The following NPAS3 variants were observed in gnomAD, a reference collection of about 807,000 sequenced individuals.
NPAS3 encodes the protein neuronal PAS domain-containing protein 3.
In NPAS3, 14 loss-of-function variants were observed where a neutral mutation model predicts 73.1. The observed-to-expected ratio is 0.19, with a 90% CI of 0.13 to 0.30. The LOEUF (loss-of-function observed/expected upper bound fraction) is 0.30, where lower values mean the gene tolerates loss of function less well. Among genes scored for constraint, NPAS3 ranks in the 10% least tolerant of loss-of-function variants. The pLI, the probability that NPAS3 is intolerant of heterozygous loss-of-function variation, is 1.00. For synonymous variants in NPAS3, 620 were observed against 541.5 expected, an observed-to-expected ratio of 1.14 and a Z score of -2.01; for missense variants, 1,096 against 1,250.0, an observed-to-expected ratio of 0.88 and a Z score of 1.86.
chr14:33,130,373 G>A (rs965768271), intron 2 of NPAS3, among the ~76,000 whole-genome samples: 10 of 152,178 alleles, frequency 6.6e-5, no homozygotes, highest in Middle Eastern at 3.2e-3. Flanking sequence ...AAGTGAAGAT[G>A]TTGAGAAAGC....
chr14:33,369,916 G>A (rs548516886), intron 4 of NPAS3, among the ~76,000 whole-genome samples: 3 of 152,256 alleles, frequency 2.0e-5, no homozygotes, highest in East Asian at 1.9e-4. Flanking sequence ...TGGCTTCTAC[G>A]TTTTGTTTCA....
rs186548242 is a variant in NPAS3 at position 33,587,556 on chromosome 14, A to T, written c.558+27346A>T. ...GACTTCTGGAGATAATTTATATGAC[A>T]CACTTAGCATAGTACCGGACACTTC... On this transcript the variant is annotated intron_variant, in intron 5 of 11. Coordinates refer to ENST00000356141, the Ensembl canonical transcript of NPAS3. 6.6e-5 allele frequency among the ~76,000 whole-genome samples: 10 copies of T among 152,244 alleles called. No individual in the cohort carries two copies. In the East Asian group the frequency reaches 1.9e-3, roughly 30 times the overall value.
chr14:33,791,286 C>T (rs1470386169), intron 9 of NPAS3, among the ~76,000 whole-genome samples: 1 of 152,208 alleles, frequency 6.6e-6, no homozygotes, highest in Non-Finnish European at 1.5e-5. Context: ...ATTCCCTTCC[C>T]CTTCAGTCTT....
chr14:33,497,929 T>A (rs1252012611), intron 4 of NPAS3, among the ~76,000 whole-genome samples: 1 of 151,662 alleles, frequency 6.6e-6, no homozygotes, highest in Non-Finnish European at 1.5e-5. Flanking sequence ...TGGGAGAAAA[T>A]TTTTGCAATC....
intron 4 of NPAS3, among the ~76,000 whole-genome samples, chr14:33,387,115 G>A (rs536774271): frequency 6.6e-6 from 1 of 152,286 alleles, no homozygotes; most frequent in Admixed American, 6.5e-5. Context: ...AGTTAGGACA[G>A]GGGCCTTCAT....
intron 7 of NPAS3, 110 bp from the exon 8 acceptor site, chr14:33,774,227 A>T (rs112424998): frequency 2.2e-5 from 17 of 767,592 alleles, no homozygotes; most frequent in African/African-American, 1.9e-4. Flanking sequence ...TACAGAAGAT[A>T]CAAGCTAATG....
chr14:33,506,152 C>T (rs2052751736), intron 4 of NPAS3, among the ~76,000 whole-genome samples: 1 of 152,008 alleles, frequency 6.6e-6, no homozygotes, highest in Non-Finnish European at 1.5e-5. Flanking sequence ...AAATACTATA[C>T]ATTTATTTAC....
At chr14:33,556,168 G>T (rs2055351180) in intron 4 of NPAS3, among the ~76,000 whole-genome samples, 1 of 152,126 alleles carries the variant, frequency 6.6e-6, no homozygotes, top group East Asian at 1.9e-4. Context: ...CCCTGCTATG[G>T]TGCCCAAACC....
At chr14:33,501,510 A>G (rs889146024) in intron 4 of NPAS3, among the ~76,000 whole-genome samples, 3 of 151,940 alleles carry the variant, frequency 2.0e-5, no homozygotes, top group African/African-American at 7.2e-5. Context: ...TACACAACAA[A>G]GTAACATGTT....
intron 5 of NPAS3, among the ~76,000 whole-genome samples, chr14:33,562,602 T>G (rs996931713): frequency 1.3e-5 from 2 of 152,212 alleles, no homozygotes; most frequent in Non-Finnish European, 2.9e-5. Flanking sequence ...GTATACCAGT[T>G]TATGTATTTA....
intron 6 of NPAS3, among the ~76,000 whole-genome samples, chr14:33,676,696 C>T (rs1226865189): frequency 6.6e-6 from 1 of 152,138 alleles, no homozygotes; most frequent in Non-Finnish European, 1.5e-5. Flanking sequence ...TTTATTGTTA[C>T]CATGGCTAAA....
intron 5 of NPAS3, among the ~76,000 whole-genome samples, chr14:33,584,019 T>A (rs567504050): frequency 3.3e-5 from 5 of 152,332 alleles, no homozygotes; most frequent in East Asian, 3.9e-4. Context: ...TGGCATTTCT[T>A]TCTATTACTA....
intron 7 of NPAS3, among the ~76,000 whole-genome samples, chr14:33,741,104 G>A (rs1479512789): frequency 1.3e-5 from 2 of 152,110 alleles, no homozygotes; most frequent in African/African-American, 4.8e-5. Context: ...CATCAGCTAG[G>A]AGTCTCCTCC....
intron 2 of NPAS3, among the ~76,000 whole-genome samples, chr14:33,171,151 G>C (rs899751738): frequency 6.6e-6 from 1 of 152,188 alleles, no homozygotes; most frequent in African/African-American, 2.4e-5. Flanking sequence ...CTCCATCAGA[G>C]CTCTTGGGTG....
chr14:33,452,588 C>T (rs139508639), intron 4 of NPAS3, among the ~76,000 whole-genome samples: 77 of 151,632 alleles, frequency 5.1e-4, no homozygotes, highest in African/African-American at 1.6e-3. Context: ...CTGGCTAACA[C>T]GGTGAAACCC....
chr14:33,265,675 C>T (rs2040781310), intron 3 of NPAS3, among the ~76,000 whole-genome samples: 1 of 152,042 alleles, frequency 6.6e-6, no homozygotes, highest in African/African-American at 2.4e-5. Context: ...GTAATTCACC[C>T]AAGGTAAATT....
At chr14:33,698,713 C>T (rs181725519) in intron 6 of NPAS3, among the ~76,000 whole-genome samples, 93 of 152,292 alleles carry the variant, frequency 6.1e-4, no homozygotes, top group African/African-American at 2.1e-3. Context: ...TGAAATATTC[C>T]AGCAGAATTC....
chr14:33,071,292 A>G (rs1056299940), intron 2 of NPAS3, among the ~76,000 whole-genome samples: 84 of 152,222 alleles, frequency 5.5e-4, no homozygotes, highest in African/African-American at 1.9e-3. Context: ...TCTGTTCTCA[A>G]ATATTTCTAA....
Position 33,614,088 on chromosome 14 carries a change from C to A in NPAS3, c.558+53878C>A, listed in dbSNP as rs145149473. On this transcript the variant is annotated intron_variant, in intron 5 of 11. Transcript: ENST00000356141. ...CTCTTTCTTAAAAAGCTGGTAAAAC[C>A]AAAGTTTATAAATAAGGACTTATCA... Among the ~76,000 whole-genome samples the A allele has an allele frequency of 9.2e-5, 14 of 152,242 alleles. 1 individual carries two copies. The South Asian group carries it at 2.9e-3, about 32-fold the overall frequency.
Sources: allele counts gnomAD v4.1 joint callset (sites outside exome capture counted in the v4.1 genomes callset), GRCh38; gene constraint gnomAD v4.1.1; transcripts MANE v1.5; gene names NCBI Gene and HGNC (gene_info 2026-07-23, HGNC 2026-07-21).